Variants in LRRC4C observed in about 807,000 individuals in gnomAD.
LRRC4C encodes the protein leucine rich repeat containing 4C.
LRRC4C carries 5 observed loss-of-function variants against 33.6 expected under a neutral mutation model. The observed-to-expected ratio is 0.15, with a 90% CI of 0.08 to 0.31. LRRC4C has a LOEUF of 0.31. Ranked by LOEUF, LRRC4C falls within the 10% of genes least tolerant of loss-of-function variation. The pLI is 1.00. For synonymous variants in LRRC4C, 329 were observed against 302.0 expected (o/e 1.09, Z -0.93); for missense variants, 560 against 796.7 (o/e 0.70, Z 3.58).
chr11:41,341,244 C>A (rs1383111716), intron 1 of LRRC4C, among the ~76,000 whole-genome samples: 4 of 151,960 alleles, frequency 2.6e-5, no homozygotes, highest in African/African-American at 9.7e-5. Context: ...TGACCTAGTT[C>A]TTTGAGAGAA....
At chr11:40,261,067 G>C (rs996211802) in intron 4 of LRRC4C, among the ~76,000 whole-genome samples, 2 of 152,010 alleles carry the variant, frequency 1.3e-5, no homozygotes, top group African/African-American at 4.8e-5. Flanking sequence ...TTTTGTTGTA[G>C]AGTAGGTATC....
At chr11:41,107,008 T>A (rs1373194451) in intron 1 of LRRC4C, among the ~76,000 whole-genome samples, 1 of 25,390 alleles carries the variant, frequency 3.9e-5, no homozygotes, top group Non-Finnish European at 1.2e-4. Flanking sequence ...TGAAACCTCA[T>A]CTTTAAAAAA....
intron 3 of LRRC4C, among the ~76,000 whole-genome samples, chr11:40,605,626 A>G (rs974383023): frequency 2.0e-5 from 3 of 152,192 alleles, no homozygotes; most frequent in Non-Finnish European, 4.4e-5. Context: ...AAGAAAAGAC[A>G]GAAACATATG....
intron 2 of LRRC4C, among the ~76,000 whole-genome samples, chr11:40,707,943 G>A (rs374245207): frequency 7.9e-5 from 12 of 151,980 alleles, no homozygotes; most frequent in African/African-American, 2.2e-4. Context: ...GTCTTGGGAG[G>A]GTGTATGTGT....
intron 3 of LRRC4C, among the ~76,000 whole-genome samples, chr11:40,541,692 C>G (rs1383169172): frequency 1.3e-5 from 2 of 152,150 alleles, no homozygotes; most frequent in Non-Finnish European, 2.9e-5. Context: ...AGCTTCTTAT[C>G]TCCTTCACTA....
At chr11:40,835,048 A>G (rs1952608400) in intron 2 of LRRC4C, among the ~76,000 whole-genome samples, 1 of 152,024 alleles carries the variant, frequency 6.6e-6, no homozygotes, top group Admixed American at 6.6e-5. Flanking sequence ...AATGCAACAC[A>G]CGGTGTCCCA....
intron 5 of LRRC4C, among the ~76,000 whole-genome samples, chr11:40,163,796 G>T (rs533463141): frequency 6.6e-6 from 1 of 151,854 alleles, no homozygotes; most frequent in African/African-American, 2.4e-5. Flanking sequence ...AGTATGAATA[G>T]GATTTATAAC....
intron 3 of LRRC4C, among the ~76,000 whole-genome samples, chr11:40,516,279 A>G (rs1400823219): frequency 1.3e-5 from 2 of 152,108 alleles, no homozygotes; most frequent in Non-Finnish European, 2.9e-5. Context: ...AAAAATTCTC[A>G]CAGTTTTCAC....
chr11:41,287,516 A>C (rs1383129117), intron 1 of LRRC4C, among the ~76,000 whole-genome samples: 1 of 152,082 alleles, frequency 6.6e-6, no homozygotes, highest in African/African-American at 2.4e-5. Context: ...CTAATATAAA[A>C]TCTATAGGGA....
intron 5 of LRRC4C, among the ~76,000 whole-genome samples, chr11:40,228,530 A>T (rs1290834114): frequency 6.6e-6 from 1 of 152,220 alleles, no homozygotes; most frequent in East Asian, 1.9e-4. Context: ...CTATTATGCT[A>T]TACAAATAAT....
intron 1 of LRRC4C, among the ~76,000 whole-genome samples, chr11:41,188,097 T>C (rs1056300109): frequency 1.3e-5 from 2 of 152,078 alleles, no homozygotes; most frequent in African/African-American, 4.8e-5. Flanking sequence ...TTTTCACAAA[T>C]TTCCTGTTTA....
At chr11:40,563,052 G>A (rs1046231773) in intron 3 of LRRC4C, among the ~76,000 whole-genome samples, 10 of 150,720 alleles carry the variant, frequency 6.6e-5, no homozygotes, top group South Asian at 4.2e-4. Flanking sequence ...GGTACTTTCC[G>A]CAGTAAATAT....
chr11:41,034,607 G>GTATATATATATATA (rs59350888), intron 1 of LRRC4C, among the ~76,000 whole-genome samples: 18 of 97,080 alleles, frequency 1.9e-4, no homozygotes, highest in African/African-American at 3.8e-4. Flanking sequence ...ATATGGTGAC[G>GTATATATATATATA]TATATATATA....
chr11:41,393,108 C>G (rs996199827), intron 1 of LRRC4C, among the ~76,000 whole-genome samples: 5 of 151,818 alleles, frequency 3.3e-5, no homozygotes, highest in African/African-American at 1.2e-4. Context: ...CATAAGCAAA[C>G]TAACTTTGAC....
Position 40,577,839 on chromosome 11 carries a change from T to C in LRRC4C, c.-270+70303A>G, listed in dbSNP as rs544374568. 8.3e-3 allele frequency among the ~76,000 whole-genome samples: 1,179 copies of C among 141,536 alleles called. 8 individuals are homozygous for C. The highest frequency in any genetic ancestry group is 0.027 in the African/African-American group (1,050 of 38,506). 92.9% of individuals were successfully genotyped at this position (141,536 alleles called of 152,430 possible). Reference sequence around the variant, plus strand: ...TTGTTTGTTTTCTTTTTTCTTTTTTTTTTTTTTTTTTTTTGAGACGGAGTC... The same window carrying C: ...TTGTTTGTTTTCTTTTTTCTTTTTTCTTTTTTTTTTTTTTGAGACGGAGTC... On this transcript the variant is annotated intron_variant, in intron 3 of 6. Transcript: ENST00000528697.
At chr11:40,817,868 C>T (rs1565096864) in intron 2 of LRRC4C, among the ~76,000 whole-genome samples, 1 of 152,052 alleles carries the variant, frequency 6.6e-6, no homozygotes, top group South Asian at 2.1e-4. Flanking sequence ...TCCTTCTATA[C>T]TTCTATGCTT....
At chr11:40,477,397 G>T (rs1953292018) in intron 3 of LRRC4C, among the ~76,000 whole-genome samples, 1 of 152,132 alleles carries the variant, frequency 6.6e-6, no homozygotes, top group Non-Finnish European at 1.5e-5. Context: ...CTAATTAGGA[G>T]AGGGATGATC....
At chr11:40,656,250 T>G (rs530164040) in intron 2 of LRRC4C, among the ~76,000 whole-genome samples, 1 of 152,066 alleles carries the variant, frequency 6.6e-6, no homozygotes, top group East Asian at 1.9e-4. Flanking sequence ...TCTCTAATCC[T>G]TCTTTTCTAC....
intron 1 of LRRC4C, among the ~76,000 whole-genome samples, chr11:41,148,825 A>T (rs1033081180): frequency 4.6e-5 from 7 of 152,152 alleles, no homozygotes; most frequent in African/African-American, 1.4e-4. Flanking sequence ...GTAGGAATAA[A>T]TGAAAAATTC....
Sources: allele counts gnomAD v4.1 joint callset (sites outside exome capture counted in the v4.1 genomes callset), GRCh38; gene constraint gnomAD v4.1.1; transcripts MANE v1.5; gene names NCBI Gene and HGNC (gene_info 2026-07-23, HGNC 2026-07-21).